The following RASAL2 variants were observed in gnomAD, a reference collection of about 807,000 sequenced individuals.
RASAL2 encodes the protein ras GTPase-activating protein nGAP.
RASAL2 carries 58 observed loss-of-function variants against 128.9 expected under a neutral mutation model. That is an observed-to-expected ratio of 0.45 (90% CI 0.36 to 0.56). The LOEUF (loss-of-function observed/expected upper bound fraction) is 0.56, where lower values mean the gene tolerates loss of function less well. Among genes scored for constraint, RASAL2 ranks in the 20% least tolerant of loss-of-function variants. RASAL2 has a pLI of 0.00. For synonymous variants in RASAL2, 561 were observed against 580.8 expected, an observed-to-expected ratio of 0.97 and a Z score of 0.49; for missense variants, 1,360 against 1,601.6, an observed-to-expected ratio of 0.85 and a Z score of 2.57.
chr1:178,334,477 T>TA (rs1669489038), intron 3 of RASAL2, among the ~76,000 whole-genome samples: 1 of 152,048 alleles, frequency 6.6e-6, no homozygotes, highest in African/African-American at 2.4e-5. Context: ...TAGCTGGGAT[T>TA]ACAGGCATGC....
chr1:178,315,185 A>G (rs1668446958), intron 3 of RASAL2, among the ~76,000 whole-genome samples: 1 of 144,926 alleles, frequency 6.9e-6, no homozygotes, highest in Admixed American at 6.9e-5. Flanking sequence ...AATCCAGTCT[A>G]TCATTGTTGG....
At chr1:178,178,099 G>A (rs1661955355) in intron 1 of RASAL2, among the ~76,000 whole-genome samples, 1 of 152,082 alleles carries the variant, frequency 6.6e-6, no homozygotes, top group African/African-American at 2.4e-5. Context: ...TAAAAATGCA[G>A]TTTGAGTGCT....
intron 1 of RASAL2, among the ~76,000 whole-genome samples, chr1:178,167,650 CGATT>C (rs1661562238): frequency 6.6e-6 from 1 of 152,000 alleles, no homozygotes; most frequent in Non-Finnish European, 1.5e-5. Flanking sequence ...ATAACATAAA[CGATT>C]GATTAATATA....
intron 1 of RASAL2, among the ~76,000 whole-genome samples, chr1:178,242,183 C>T (rs1175113991): frequency 6.6e-6 from 1 of 152,168 alleles, no homozygotes; most frequent in Non-Finnish European, 1.5e-5. Context: ...TTTACACCCT[C>T]TGCCTTCCCC....
chr1:178,391,497 G>A (rs982411607), intron 4 of RASAL2, among the ~76,000 whole-genome samples: 1 of 152,090 alleles, frequency 6.6e-6, no homozygotes, highest in Non-Finnish European at 1.5e-5. Context: ...TGAGTACTTG[G>A]ATATCTGTAG....
intron 4 of RASAL2, among the ~76,000 whole-genome samples, chr1:178,393,416 G>A (rs1310721826): frequency 6.6e-6 from 1 of 152,154 alleles, no homozygotes; most frequent in African/African-American, 2.4e-5. Flanking sequence ...TAGATCCCTC[G>A]CATGCGCAGT....
In RASAL2 at chr1:178,469,442, G is replaced by A. The variant is rs114650148; in HGVS notation, c.3678+2021G>A. On this transcript the variant is annotated intron_variant, in intron 17 of 17. Coordinates refer to ENST00000367649, the MANE Select transcript of RASAL2 (RefSeq NM_170692.4). ...ATTTTATATTAGGGCTAGGTGACTGGGTATAAAGCAGAAGTCACCTGCTAG... is the reference window on the plus strand; with the variant it reads ...ATTTTATATTAGGGCTAGGTGACTGAGTATAAAGCAGAAGTCACCTGCTAG... Among the ~76,000 whole-genome samples the A allele has an allele frequency of 4.3e-3, 660 of 152,216 alleles. 4 individuals are homozygous for A. The highest frequency in any genetic ancestry group is 0.015 in the African/African-American group (611 of 41,500).
intron 2 of RASAL2, among the ~76,000 whole-genome samples, chr1:178,290,100 AATTT>A (rs1272842269): frequency 1.3e-5 from 2 of 152,162 alleles, no homozygotes; most frequent in African/African-American, 2.4e-5. Flanking sequence ...AATGCTATAT[AATTT>A]ATTTATTATG....
intron 1 of RASAL2, among the ~76,000 whole-genome samples, chr1:178,144,299 T>C (rs1047284762): frequency 7.2e-5 from 11 of 152,218 alleles, no homozygotes; most frequent in Non-Finnish European, 1.3e-4. Context: ...TAATCTTGAT[T>C]TTTAAGACAC....
intron 1 of RASAL2, among the ~76,000 whole-genome samples, chr1:178,170,442 A>G (rs1661668163): frequency 1.3e-5 from 2 of 151,722 alleles, no homozygotes; most frequent in Admixed American, 1.3e-4. Flanking sequence ...CATTGTAGTA[A>G]AATATATAAT....
At chr1:178,393,094 A>G (rs1673007723) in intron 4 of RASAL2, among the ~76,000 whole-genome samples, 1 of 152,188 alleles carries the variant, frequency 6.6e-6, no homozygotes, top group Non-Finnish European at 1.5e-5. Flanking sequence ...AATCATAGCC[A>G]TAAGAAAAAG....
At chr1:178,362,062 C>A (rs889310498) in intron 3 of RASAL2, among the ~76,000 whole-genome samples, 1 of 152,118 alleles carries the variant, frequency 6.6e-6, no homozygotes, top group African/African-American at 2.4e-5. Flanking sequence ...TCCTGCTGTG[C>A]GGCCTACTTC....
At chr1:178,102,059 A>G (rs1048273776) in intron 1 of RASAL2, among the ~76,000 whole-genome samples, 2 of 151,940 alleles carry the variant, frequency 1.3e-5, no homozygotes, top group Non-Finnish European at 2.9e-5. Context: ...CTTATTATGC[A>G]TACTTTTTTT....
intron 17 of RASAL2, among the ~76,000 whole-genome samples, chr1:178,472,139 C>A (rs1377475012): frequency 2.0e-5 from 3 of 152,132 alleles, no homozygotes; most frequent in African/African-American, 7.2e-5. Flanking sequence ...TCTCTTCTAA[C>A]CTAATCCTTA....
chr1:178,343,699 A>G (rs910852651), intron 3 of RASAL2, among the ~76,000 whole-genome samples: 4 of 152,150 alleles, frequency 2.6e-5, no homozygotes, highest in Non-Finnish European at 5.9e-5. Flanking sequence ...ACTCACTACC[A>G]TGCACTACAA....
intron 1 of RASAL2, among the ~76,000 whole-genome samples, chr1:178,227,580 G>GT (rs1663839216): frequency 6.6e-6 from 1 of 152,162 alleles, no homozygotes; most frequent in Non-Finnish European, 1.5e-5. Context: ...GTGTCTGGTT[G>GT]TTTTTTGTTG....
intron 1 of RASAL2, among the ~76,000 whole-genome samples, chr1:178,163,758 A>G (rs528760506): frequency 1.3e-5 from 2 of 152,250 alleles, no homozygotes; most frequent in East Asian, 1.9e-4. Context: ...TGTTTTAGCT[A>G]TTTGGAGGCC....
intron 3 of RASAL2, among the ~76,000 whole-genome samples, chr1:178,324,745 A>AG (rs1319452913): frequency 6.6e-6 from 1 of 152,152 alleles, no homozygotes; most frequent in Non-Finnish European, 1.5e-5. Flanking sequence ...CTCTCTTTTT[A>AG]GGTAGCCCAA....
chr1:178,107,255 G>A (rs1227612642), intron 1 of RASAL2, among the ~76,000 whole-genome samples: 1 of 151,988 alleles, frequency 6.6e-6, no homozygotes, highest in Non-Finnish European at 1.5e-5. Context: ...CACATTTACT[G>A]TTTTAACATA....
Sources: gnomAD v4.1 joint callset for allele counts (sites outside exome capture counted in the v4.1 genomes callset) on GRCh38, gnomAD v4.1.1 for gene constraint, MANE v1.5 for transcripts, NCBI Gene and HGNC (gene_info 2026-07-23, HGNC 2026-07-21) for gene names.